Variants in GRIK2 observed in about 807,000 individuals in gnomAD.
GRIK2 encodes glutamate receptor ionotropic, kainate 2.
Under a neutral mutation model 100.3 loss-of-function variants are expected in GRIK2, and 32 were observed. The observed-to-expected ratio is 0.32, with a 90% confidence interval of 0.24 to 0.43. The LOEUF (loss-of-function observed/expected upper bound fraction) is 0.43. GRIK2 is among the 20% of genes least tolerant of loss of function. The pLI, the probability that GRIK2 is intolerant of heterozygous loss-of-function variation, is 1.00. For missense variants in GRIK2, 843 were observed against 1,114.9 expected (o/e 0.76, Z 3.47); for synonymous variants, 417 against 389.4 (o/e 1.07, Z -0.83).
chr6:101,982,540 C>T (rs1793775543), intron 14 of GRIK2, among the ~76,000 whole-genome samples: 1 of 151,560 alleles, frequency 6.6e-6, no homozygotes, highest in Non-Finnish European at 1.5e-5. Flanking sequence ...TGGAGAAAGC[C>T]TTTCTGGTCC....
intron 10 of GRIK2, among the ~76,000 whole-genome samples, chr6:101,822,241 CACAA>C (rs1205688941): frequency 4.0e-5 from 6 of 149,158 alleles, no homozygotes; most frequent in Non-Finnish European, 7.4e-5. Context: ...CACACACACA[CACAA>C]ACACATACAA....
chr6:101,604,087 C>G (rs1372088664), intron 2 of GRIK2, among the ~76,000 whole-genome samples: 1 of 151,488 alleles, frequency 6.6e-6, no homozygotes, highest in Non-Finnish European at 1.5e-5. Flanking sequence ...TATTAGCATA[C>G]TAGCACTGTA....
At chr6:101,549,776 G>A (rs1238718271) in intron 2 of GRIK2, among the ~76,000 whole-genome samples, 1 of 152,118 alleles carries the variant, frequency 6.6e-6, no homozygotes, top group Admixed American at 6.5e-5. Flanking sequence ...GAGTGGTCGT[G>A]GAATGTCAGT....
chr6:101,514,511 A>G (rs1015225609), intron 2 of GRIK2, among the ~76,000 whole-genome samples: 17 of 152,166 alleles, frequency 1.1e-4, no homozygotes, highest in Non-Finnish European at 1.3e-4. Context: ...TGTTAAACTT[A>G]TAATTTCTCT....
chr6:101,805,245 A>G (rs1413230777), intron 9 of GRIK2, among the ~76,000 whole-genome samples: 1 of 151,586 alleles, frequency 6.6e-6, no homozygotes, highest in African/African-American at 2.4e-5. Context: ...TTCAGTTCCA[A>G]TTCTATCAAA....
At chr6:101,720,334 T>G (rs1014380197) in intron 7 of GRIK2, among the ~76,000 whole-genome samples, 3 of 152,068 alleles carry the variant, frequency 2.0e-5, no homozygotes, top group African/African-American at 7.2e-5. Context: ...TTATTTTTTC[T>G]CTTCTTTATC....
At chr6:101,530,923 A>G (rs2518256) in intron 2 of GRIK2, among the ~76,000 whole-genome samples, 136,405 of 152,008 alleles carry the variant, frequency 0.9, 61,376 homozygotes, top group African/African-American at 0.95. Flanking sequence ...ATTGACGAAT[A>G]CTGGTAGCAT....
At chr6:101,791,028 G>T (rs1023235577) in intron 7 of GRIK2, among the ~76,000 whole-genome samples, 1 of 148,124 alleles carries the variant, frequency 6.8e-6, no homozygotes, top group East Asian at 2.0e-4. Context: ...ATGGTAGTTT[G>T]TATTTCTGTG....
chr6:101,427,009 G>T (rs1449521664), intron 2 of GRIK2, among the ~76,000 whole-genome samples: 1 of 152,150 alleles, frequency 6.6e-6, no homozygotes, highest in Non-Finnish European at 1.5e-5. Flanking sequence ...CCAATCTGGA[G>T]TCAGGTCTTA....
At chr6:101,660,775 A>G (rs569802905) in intron 4 of GRIK2, among the ~76,000 whole-genome samples, 4 of 151,828 alleles carry the variant, frequency 2.6e-5, no homozygotes, top group African/African-American at 9.7e-5. Flanking sequence ...TCCACTCCAG[A>G]CCCTTTTTGC....
At chr6:101,996,784 C>G (rs1486764006) in intron 14 of GRIK2, among the ~76,000 whole-genome samples, 1 of 152,090 alleles carries the variant, frequency 6.6e-6, no homozygotes, top group Non-Finnish European at 1.5e-5. Flanking sequence ...CTCACCAAGG[C>G]TTGGCCGTGG....
Position 101,637,350 on chromosome 6 carries a change from C to T in GRIK2, c.541+10713C>T, listed in dbSNP as rs139766730. Among the ~76,000 whole-genome samples, 80 of 152,216 alleles carry T rather than the reference C, an allele frequency of 5.3e-4. No homozygotes were observed. In the Middle Eastern group the frequency reaches 0.01, roughly 19 times the overall value. On this transcript the variant is annotated intron_variant, in intron 4 of 16. Coordinates refer to ENST00000369134, the MANE Select transcript of GRIK2 (RefSeq NM_021956.5). Reference sequence around the variant, plus strand: ...ACATCTAACGCAACATAACAAAAGCCAAACTCAGTATCTTTGCCCGAAATT... The same window carrying T: ...ACATCTAACGCAACATAACAAAAGCTAAACTCAGTATCTTTGCCCGAAATT...
chr6:101,863,493 C>T (rs1239908899), intron 11 of GRIK2, among the ~76,000 whole-genome samples: 1 of 152,142 alleles, frequency 6.6e-6, no homozygotes, highest in Non-Finnish European at 1.5e-5. Context: ...AAACTACTAC[C>T]TCTGGCACTT....
At chr6:101,752,835 G>A (rs151221113) in intron 7 of GRIK2, among the ~76,000 whole-genome samples, 526 of 152,186 alleles carry the variant, frequency 3.5e-3, no homozygotes, top group Non-Finnish European at 5.8e-3. Context: ...AAGTTAAGTA[G>A]TTTTAAAATA....
At chr6:101,777,082 C>A (rs1482441067) in intron 7 of GRIK2, among the ~76,000 whole-genome samples, 1 of 152,182 alleles carries the variant, frequency 6.6e-6, no homozygotes, top group Admixed American at 6.5e-5. Flanking sequence ...TCTGTGTAGT[C>A]CACGCAGCTG....
intron 7 of GRIK2, among the ~76,000 whole-genome samples, chr6:101,703,639 G>T (rs1773049210): frequency 6.6e-6 from 1 of 151,722 alleles, no homozygotes; most frequent in African/African-American, 2.4e-5. Flanking sequence ...TGAACCTGAA[G>T]AGATACATAA....
intron 2 of GRIK2, among the ~76,000 whole-genome samples, chr6:101,513,881 A>C (rs2128279019): frequency 6.6e-6 from 1 of 152,258 alleles, no homozygotes; most frequent in African/African-American, 2.4e-5. Context: ...CCAATGAATT[A>C]AAAAGGAAGA....
intron 10 of GRIK2, among the ~76,000 whole-genome samples, chr6:101,858,467 A>T (rs1784554001): frequency 1.3e-5 from 2 of 149,186 alleles, no homozygotes; most frequent in Non-Finnish European, 3.0e-5. Flanking sequence ...GCTCAGTGCA[A>T]GCTCCGCCTC....
At chr6:101,422,880 A>C (rs1202274870) in intron 2 of GRIK2, among the ~76,000 whole-genome samples, 1 of 152,140 alleles carries the variant, frequency 6.6e-6, no homozygotes, top group Non-Finnish European at 1.5e-5. Context: ...CTCTGTGTGG[A>C]GTTCTGTATA....
Sources: allele counts gnomAD v4.1 joint callset (sites outside exome capture counted in the v4.1 genomes callset), GRCh38; gene constraint gnomAD v4.1.1; transcripts MANE v1.5; gene names NCBI Gene and HGNC (gene_info 2026-07-23, HGNC 2026-07-21).